CLDN11: variants seen among roughly 807,000 people sequenced by gnomAD.
CLDN11 encodes claudin 11.
In CLDN11, 1 loss-of-function variant was observed where a neutral mutation model predicts 18.0. That is an observed-to-expected ratio of 0.06 (90% CI 0.02 to 0.26). The LOEUF is 0.26. Among genes scored for constraint, CLDN11 ranks in the 10% least tolerant of loss-of-function variants. The probability of loss-of-function intolerance (pLI) is 1.00; values close to 1 mark genes in which losing one functional copy is unlikely to be tolerated. For synonymous variants in CLDN11, 116 were observed against 121.5 expected (o/e 0.96, Z 0.30); for missense variants, 172 against 276.6 (o/e 0.62, Z 2.68).
chr3:170,421,512 G>T (rs908221499), intron 1 of CLDN11, among the ~76,000 whole-genome samples: 8 of 152,202 alleles, frequency 5.3e-5, no homozygotes, highest in Non-Finnish European at 8.8e-5. Context: ...TGTGAAGTCC[G>T]AATTCTGGCA....
At chr3:170,428,124 G>A (rs1035325310) in intron 2 of CLDN11, among the ~76,000 whole-genome samples, 5 of 147,170 alleles carry the variant, frequency 3.4e-5, no homozygotes, top group African/African-American at 1.3e-4. Flanking sequence ...TCCAGCCTGG[G>A]TGACAGATAT....
intron 1 of CLDN11, among the ~76,000 whole-genome samples, chr3:170,420,574 A>G (rs1454573444): frequency 6.6e-6 from 1 of 152,150 alleles, no homozygotes; most frequent in African/African-American, 2.4e-5. Context: ...AAGTTCTCCC[A>G]CTACGTTTTA....
intron 2 of CLDN11, 90 bp from the exon 3 acceptor site, chr3:170,432,434 A>G: frequency 6.3e-7 from 1 of 1,576,072 alleles, no homozygotes; most frequent in Non-Finnish European, 8.6e-7. Context: ...GTTGGAAGCC[A>G]CAAGTGTGTG....
chr3:170,428,695 AC>A (rs1346010854), intron 2 of CLDN11, among the ~76,000 whole-genome samples: 1 of 152,058 alleles, frequency 6.6e-6, no homozygotes, highest in Non-Finnish European at 1.5e-5. Context: ...AACAAATGGT[AC>A]CCCCCACCAC....
intron 2 of CLDN11, among the ~76,000 whole-genome samples, chr3:170,427,945 C>T (rs1026637696): frequency 1.3e-5 from 2 of 151,692 alleles, no homozygotes. Context: ...TTGCTTGAGC[C>T]CAGGAGTTCG....
intron 2 of CLDN11, among the ~76,000 whole-genome samples, chr3:170,425,795 G>A (rs991232082): frequency 1.3e-5 from 2 of 152,148 alleles, no homozygotes; most frequent in Non-Finnish European, 2.9e-5. Flanking sequence ...GCTCCTATCC[G>A]GATTTGTTTC....
intron 2 of CLDN11, among the ~76,000 whole-genome samples, chr3:170,427,722 T>C (rs1269777769): frequency 6.6e-6 from 1 of 151,484 alleles, no homozygotes; most frequent in Non-Finnish European, 1.5e-5. Context: ...GGCACGAGGA[T>C]TGCTTGAACC....
Position 170,418,950 on chromosome 3 carries a change from G to A in CLDN11, c.-117G>A, listed in dbSNP as rs555381927. ...ACCTCCACCTCCAGTGTCCCGCCTC[G>A]GGCCGTCGCCCTCCAGCGGCTCGCG... On this transcript the variant is annotated 5_prime_UTR_variant, in exon 1 of 3. Transcript: ENST00000064724. The surrounding 1 kb of genome is among the most constrained non-coding windows in gnomAD (Gnocchi z 4.3). 6.9e-5 allele frequency: 53 copies of A among 762,824 alleles called. No individual in the cohort carries two copies. In the African/African-American group the frequency reaches 8.0e-4, roughly 12 times the overall value. 47.3% of individuals were successfully genotyped at this position (762,824 alleles called of 1,614,324 possible). A position where few individuals can be genotyped will look rare whatever the true frequency, so the allele number is the denominator to read the frequency against.
intron 1 of CLDN11, among the ~76,000 whole-genome samples, chr3:170,420,437 A>T (rs995315583): frequency 6.6e-6 from 1 of 152,150 alleles, no homozygotes; most frequent in African/African-American, 2.4e-5. Context: ...GCCTCCTCCA[A>T]GCACGCCCTA....
intron 1 of CLDN11, 125 bp from the exon 2 acceptor site, chr3:170,423,038 C>T: frequency 1.0e-6 from 1 of 1,002,198 alleles, no homozygotes; most frequent in African/African-American, 1.6e-5. Flanking sequence ...AACATTAGCA[C>T]CTTCTAAGTC....
chr3:170,434,584 C>T lies in CLDN11; in HGVS notation c.*1828C>T, dbSNP rs138487700. Reference sequence around the variant, plus strand: ...ATTGAGTTGATTTTTATTTGTTTTTCTGTTCCAGAAACTTCATCAAGTTAC... The same window carrying T: ...ATTGAGTTGATTTTTATTTGTTTTTTTGTTCCAGAAACTTCATCAAGTTAC... On this transcript the variant is annotated 3_prime_UTR_variant, in exon 3 of 3. Coordinates refer to ENST00000064724, the MANE Select transcript of CLDN11 (RefSeq NM_005602.6). 6.3e-3 allele frequency among the ~76,000 whole-genome samples: 960 copies of T among 152,262 alleles called. 7 individuals are homozygous for T. The highest frequency in any genetic ancestry group is 9.5e-3 in the Admixed American group (145 of 15,300).
At chr3:170,421,338 G>GT in intron 1 of CLDN11, 1 of 981,676 alleles carries the variant, frequency 1.0e-6, no homozygotes, top group Non-Finnish European at 1.2e-6. Flanking sequence ...CCTGCTTTGT[G>GT]TGAGTACTGG....
In CLDN11 at chr3:170,433,129, A is replaced by AC. The variant is rs1739045867; in HGVS notation, c.*374dup. On this transcript the variant is annotated 3_prime_UTR_variant, in exon 3 of 3. Coordinates refer to ENST00000064724, the MANE Select transcript of CLDN11 (RefSeq NM_005602.6). ...GGGGTGGGGAAGAGAAATACAAGAT[A>AC]CTTTTTTTTTTTTTTTTTTTTTTTT... The AC allele has an allele frequency of 9.6e-6, 1 of 104,712 alleles. No individual in the cohort carries two copies. The highest frequency in any genetic ancestry group is 2.0e-5 in the Non-Finnish European group (1 of 51,142). 6.5% of individuals were successfully genotyped at this position (104,712 alleles called of 1,614,324 possible). A position where few individuals can be genotyped will look rare whatever the true frequency, so the allele number is the denominator to read the frequency against.
intron 2 of CLDN11, among the ~76,000 whole-genome samples, chr3:170,426,514 C>T (rs972789721): frequency 2.0e-5 from 3 of 152,188 alleles, no homozygotes; most frequent in African/African-American, 7.2e-5. Context: ...TCCAACTGTG[C>T]TGAATCTGGA....
At chr3:170,425,141 C>A (rs559623121) in intron 2 of CLDN11, among the ~76,000 whole-genome samples, 7 of 152,254 alleles carry the variant, frequency 4.6e-5, no homozygotes, top group African/African-American at 1.7e-4. Context: ...TTGTCTGACT[C>A]CCTTTCCAAC....
chr3:170,418,997 C>T lies in CLDN11; in HGVS notation c.-70C>T. On this transcript the variant is annotated 5_prime_UTR_variant, in exon 1 of 3. Coordinates refer to ENST00000064724, the MANE Select transcript of CLDN11 (RefSeq NM_005602.6). The surrounding 1 kb of genome is among the most constrained non-coding windows in gnomAD (Gnocchi z 4.3). The stretch of plus-strand genomic sequence containing the variant: ...CGCGAGCGTGGGAGACGTACCTGGG[C>T]AGGCACTGTCCAGCCCAGGCCCAGG... The T allele has an allele frequency of 1.7e-6, 2 of 1,168,424 alleles. No homozygotes were observed. Among genetic ancestry groups the T allele is most frequent in the South Asian group, 1.4e-5 (1 of 73,262 alleles). 72.4% of individuals were successfully genotyped at this position (1,168,424 alleles called of 1,614,324 possible).
At chr3:170,426,943 G>C (rs112761608) in intron 2 of CLDN11, among the ~76,000 whole-genome samples, 1 of 152,094 alleles carries the variant, frequency 6.6e-6, no homozygotes, top group Non-Finnish European at 1.5e-5. Flanking sequence ...CACCATGCCC[G>C]GCTAATTTTT....
intron 1 of CLDN11, among the ~76,000 whole-genome samples, chr3:170,421,511 C>T (rs1312597482): frequency 6.6e-6 from 1 of 152,122 alleles, no homozygotes; most frequent in Admixed American, 6.5e-5. Flanking sequence ...TTGTGAAGTC[C>T]GAATTCTGGC....
At chr3:170,424,335 C>T (rs1560234203) in intron 2 of CLDN11, among the ~76,000 whole-genome samples, 2 of 152,128 alleles carry the variant, frequency 1.3e-5, no homozygotes, top group Non-Finnish European at 1.5e-5. Context: ...GGATGAGTTT[C>T]CAGAGTGGAA....
Sources: gnomAD v4.1 joint callset for allele counts (sites outside exome capture counted in the v4.1 genomes callset) on GRCh38, gnomAD v4.1.1 for gene constraint, Gnocchi (gnomAD v3.1) non-coding constraint, MANE v1.5 for transcripts, NCBI Gene and HGNC (gene_info 2026-07-23, HGNC 2026-07-21) for gene names.